MAP4: variants seen among roughly 807,000 people sequenced by gnomAD.
MAP4 encodes the protein microtubule-associated protein 4.
In MAP4, 76 loss-of-function variants were observed where a neutral mutation model predicts 170.2. That is an observed-to-expected ratio of 0.45 (90% CI 0.37 to 0.54). MAP4 has a LOEUF of 0.54. Among genes scored for constraint, MAP4 ranks in the 20% least tolerant of loss-of-function variants. MAP4 has a pLI of 0.00. For synonymous variants in MAP4, 909 were observed against 994.5 expected (o/e 0.91, Z 1.62); for missense variants, 2,506 against 2,748.0 (o/e 0.91, Z 1.97).
rs1015624364 is a variant in MAP4, at chr3:47,910,717, T to C, written c.3704A>G (p.Lys1235Arg). The C allele has an allele frequency of 6.5e-7, 1 of 1,536,134 alleles. No individual in the cohort carries two copies. Among genetic ancestry groups the C allele is most frequent in the Non-Finnish European group, 8.7e-7 (1 of 1,146,902 alleles). Reference protein sequence around the residue: ...YSTQPARMERKEEILNPPFEG... With the variant: ...YSTQPARMERREEILNPPFEG... ...AAAAGGTGGGTTAAGGATTTCTTCC[T>C]TCCTCTCCATTCTAGCAGGCTGTGT... The change falls in exon 9 of 21, where the codon AAG becomes AGG. Residue 1235 changes from lysine (K) to arginine (R), a missense_variant. Coordinates refer to ENST00000683076, the MANE Select transcript of MAP4 (RefSeq NM_001385682.1).
chr3:47,988,782 A>T (rs1029444567), intron 2 of MAP4, among the ~76,000 whole-genome samples: 1 of 151,600 alleles, frequency 6.6e-6, no homozygotes, highest in African/African-American at 2.4e-5. Flanking sequence ...TTCATGAAAA[A>T]GGTATAGTTT....
At chr3:47,876,266 G>C (rs965379411) in intron 11 of MAP4, among the ~76,000 whole-genome samples, 1 of 151,742 alleles carries the variant, frequency 6.6e-6, no homozygotes, top group Non-Finnish European at 1.5e-5. Flanking sequence ...CAAGTAGCTG[G>C]GACTACCAGC....
chr3:48,046,460 A>G (rs1236903585), intron 1 of MAP4, among the ~76,000 whole-genome samples: 1 of 152,230 alleles, frequency 6.6e-6, no homozygotes, highest in Non-Finnish European at 1.5e-5. Flanking sequence ...CACATAAAGC[A>G]ACAACTCCCT....
At chr3:47,889,042 G>A (rs960731983) in intron 10 of MAP4, among the ~76,000 whole-genome samples, 6 of 152,236 alleles carry the variant, frequency 3.9e-5, no homozygotes, top group Admixed American at 3.9e-4. Context: ...AACAAAGCTG[G>A]CCACAGAGCT....
At chr3:47,971,540 G>C (rs746925967) in intron 3 of MAP4, among the ~76,000 whole-genome samples, 2 of 152,152 alleles carry the variant, frequency 1.3e-5, no homozygotes, top group African/African-American at 2.4e-5. Context: ...ATAGTAAACT[G>C]TTTACCTACT....
chr3:47,974,871 T>C, intron 3 of MAP4: 6 of 966,592 alleles, frequency 6.2e-6, no homozygotes, highest in Non-Finnish European at 7.4e-6. Flanking sequence ...TTAAAATATC[T>C]ATCATTATTT....
rs1165449976 is a variant in MAP4 at position 47,916,303 on chromosome 3, T to C, written c.1524A>G (p.Pro508=). ...KEVGLLKDMS[P]LSETEMALGK... is the part of the protein sequence containing the mutation. ...CCAGAGCCATTTCTGTTTCTGATAGTGGAGACATGTCCTTCAACAAGCCCA... is the reference window on the plus strand; with the variant it reads ...CCAGAGCCATTTCTGTTTCTGATAGCGGAGACATGTCCTTCAACAAGCCCA... Residue 508 remains proline, a synonymous_variant, in exon 7 of 21, where the codon CCA becomes CCG. Coordinates refer to ENST00000683076, the MANE Select transcript of MAP4 (RefSeq NM_001385682.1). 1.2e-6 allele frequency: 2 copies of C among 1,614,232 alleles called. No individual in the cohort carries two copies. The highest frequency in any genetic ancestry group is 1.6e-4 in the Middle Eastern group (1 of 6,062).
Position 47,930,531 on chromosome 3 carries a change from C to T in MAP4, c.293-2181G>A, listed in dbSNP as rs191312265. Among the ~76,000 whole-genome samples the T allele has an allele frequency of 2.6e-5, 4 of 151,894 alleles. 1 individual carries two copies. Among genetic ancestry groups the T allele is most frequent in the Admixed American group, 2.6e-4 (4 of 15,268 alleles). ...TATTAAAGAAAATGAAAAGAGAAGT[C>T]ATAGACTTCGAGAAATATCTGCAAA... is the stretch of plus-strand genomic sequence containing the variant. On this transcript the variant is annotated intron_variant, in intron 3 of 20. Coordinates refer to ENST00000683076, the MANE Select transcript of MAP4 (RefSeq NM_001385682.1).
rs917460011 is a variant in MAP4, at chr3:47,853,347, C to T, written c.6702G>A (p.Glu2234=). ...ACAGAGGAGCCTCGCTGCCACCGCC[C>T]TCAGTCTACAATGAAACAGTGGGGG... is the stretch of plus-strand genomic sequence containing the variant. ...HLPAGGAVKT[E]GGGSEAPLCP... Residue 2234 remains glutamate, a synonymous_variant, in exon 20 of 21, where the codon GAG becomes GAA. Transcript: ENST00000683076. 7 of 1,604,122 alleles carry T rather than the reference C, an allele frequency of 4.4e-6. No individual in the cohort carries two copies. Among genetic ancestry groups the T allele is most frequent in the Non-Finnish European group, 5.1e-6 (6 of 1,177,082 alleles).
intron 1 of MAP4, among the ~76,000 whole-genome samples, chr3:48,045,258 CA>C (rs34377968): frequency 0.034 from 3,478 of 102,116 alleles, 39 homozygotes; most frequent in African/African-American, 0.069. Flanking sequence ...GACTCAGTCT[CA>C]AAAAAAAAAA....
intron 1 of MAP4, among the ~76,000 whole-genome samples, chr3:48,061,180 ACCTCCCCCTCCC>A (rs771538900): frequency 6.8e-6 from 1 of 146,306 alleles, no homozygotes; most frequent in African/African-American, 2.6e-5. Context: ...GAAAATGAAC[ACCTCCCCCTCCC>A]CCTCCCCCTC....
chr3:48,012,286 G>T (rs552498449), intron 1 of MAP4, among the ~76,000 whole-genome samples: 1 of 151,992 alleles, frequency 6.6e-6, no homozygotes, highest in Non-Finnish European at 1.5e-5. Flanking sequence ...CTTTCCTTTC[G>T]ATTAATAGAT....
chr3:47,952,182 C>T (rs1163873235), intron 3 of MAP4, among the ~76,000 whole-genome samples: 4 of 147,768 alleles, frequency 2.7e-5, no homozygotes, highest in Middle Eastern at 3.6e-3. Context: ...AGTGAGGAGC[C>T]CCTCCGCCCA....
At chr3:47,921,107 C>T (rs930442318) in intron 5 of MAP4, among the ~76,000 whole-genome samples, 2 of 152,112 alleles carry the variant, frequency 1.3e-5, no homozygotes, top group Admixed American at 6.5e-5. Flanking sequence ...GTGATCGCAT[C>T]ACTGCACTCC....
rs1281840367 is a variant in MAP4 at position 47,910,217 on chromosome 3, T to C, written c.4204A>G (p.Ile1402Val). 1 of 1,612,386 alleles carries C rather than the reference T, an allele frequency of 6.2e-7. No homozygotes were observed. Among genetic ancestry groups the C allele is most frequent in the Non-Finnish European group, 8.5e-7 (1 of 1,179,862 alleles). Residue 1402 changes from isoleucine to valine, a missense_variant, in exon 9 of 21, where the codon ATT becomes GTT. Transcript: ENST00000683076. ...TCGTCCATATAGGCCATTCCTTCAATTCCCTGGTCCCCTGTGGTTTCCATG... is the reference window on the plus strand; with the variant it reads ...TCGTCCATATAGGCCATTCCTTCAACTCCCTGGTCCCCTGTGGTTTCCATG... ...VPMETTGDQGIEGMAYMDENR... is the reference protein window; with the variant it reads ...VPMETTGDQGVEGMAYMDENR...
At chr3:48,009,761 C>G (rs1011981664) in intron 1 of MAP4, among the ~76,000 whole-genome samples, 1 of 152,154 alleles carries the variant, frequency 6.6e-6, no homozygotes, top group African/African-American at 2.4e-5. Context: ...CTCACCATCA[C>G]CCCTAGTGAT....
At chr3:48,068,871 T>C (rs1268195286) in intron 1 of MAP4, among the ~76,000 whole-genome samples, 4 of 152,204 alleles carry the variant, frequency 2.6e-5, no homozygotes, top group Non-Finnish European at 4.4e-5. Flanking sequence ...ATGCACAATA[T>C]GTATAGCATT....
upstream of MAP4, among the ~76,000 whole-genome samples, chr3:48,021,021 T>C (rs1000781888): frequency 2.6e-5 from 4 of 152,178 alleles, no homozygotes; most frequent in Admixed American, 2.6e-4. Flanking sequence ...GAAATCTCAT[T>C]AAAGTTGAGT....
At chr3:47,886,242 C>T (rs1201028972) in intron 10 of MAP4, among the ~76,000 whole-genome samples, 1 of 152,198 alleles carries the variant, frequency 6.6e-6, no homozygotes, top group African/African-American at 2.4e-5. Flanking sequence ...TTTCTCTCTC[C>T]CAGAAGGTAG....
Sources: gnomAD v4.1 joint callset for allele counts (sites outside exome capture counted in the v4.1 genomes callset) on GRCh38, gnomAD v4.1.1 for gene constraint, MANE v1.5 for transcripts, NCBI Gene and HGNC (gene_info 2026-07-23, HGNC 2026-07-21) for gene names.